ZBTB44: variants seen among roughly 807,000 people sequenced by gnomAD.
ZBTB44 encodes the protein zinc finger and BTB domain-containing protein 44.
A neutral mutation model predicts 54.0 loss-of-function variants in ZBTB44; 15 were observed. The ratio of observed to expected loss-of-function variants is 0.28; its 90% CI spans 0.19 to 0.43. The LOEUF (loss-of-function observed/expected upper bound fraction) is 0.43, where lower values mean the gene tolerates loss of function less well. Ranked by LOEUF, ZBTB44 falls within the 20% of genes least tolerant of loss-of-function variation. The probability of loss-of-function intolerance (pLI) is 1.00; values close to 1 mark genes in which losing one functional copy is unlikely to be tolerated. For synonymous variants in ZBTB44, 230 were observed against 250.1 expected (o/e 0.92, Z 0.76); for missense variants, 487 against 707.1 (o/e 0.69, Z 3.53).
chr11:130,289,827 G>A (rs11825340), intron 1 of ZBTB44, among the ~76,000 whole-genome samples: 9,516 of 152,144 alleles, frequency 0.063, 739 homozygotes, highest in African/African-American at 0.18. Flanking sequence ...CACCTGATTC[G>A]AGGTTTTCTG....
intron 1 of ZBTB44, among the ~76,000 whole-genome samples, chr11:130,311,944 G>C (rs1942633458): frequency 6.6e-6 from 1 of 152,086 alleles, no homozygotes; most frequent in East Asian, 1.9e-4. Flanking sequence ...TAAAAAGAAA[G>C]ACGACTGTAA....
At chr11:130,293,307 A>T (rs1203189605) in intron 1 of ZBTB44, among the ~76,000 whole-genome samples, 10 of 10,680 alleles carry the variant, frequency 9.4e-4, no homozygotes, top group East Asian at 2.7e-3. Flanking sequence ...ACTAAAAATT[A>T]AAAAAAAAAA....
intron 2 of ZBTB44, among the ~76,000 whole-genome samples, chr11:130,255,303 C>T (rs1565655054): frequency 6.6e-6 from 1 of 152,156 alleles, no homozygotes; most frequent in Non-Finnish European, 1.5e-5. Context: ...TCCTGCATGA[C>T]CACTGGGTAA....
intron 2 of ZBTB44, among the ~76,000 whole-genome samples, chr11:130,255,910 A>AC (rs1216409537): frequency 1.9e-4 from 28 of 150,506 alleles, no homozygotes; most frequent in African/African-American, 6.6e-4. Context: ...AAAAAAAAAA[A>AC]AAAAAAAAAA....
intron 1 of ZBTB44, among the ~76,000 whole-genome samples, chr11:130,265,967 GTGGC>G (rs1939219004): frequency 3.3e-5 from 5 of 152,190 alleles, no homozygotes; most frequent in Middle Eastern, 3.2e-3. Context: ...ATTGACGAAG[GTGGC>G]TACACTAAAC....
Position 130,238,577 on chromosome 11 carries a change from G to A in ZBTB44, c.1134C>T (p.Leu378=), listed in dbSNP as rs1399707454. Residue 378 remains leucine, a synonymous_variant, in exon 4 of 8, where the codon CTC becomes CTT. Coordinates refer to ENST00000357899, the MANE Select transcript of ZBTB44 (RefSeq NM_001301098.2). ...TACTGCTGGTGGAAGGAGCAATGTA[G>A]AGTTGGTAGGGATACTGAACATTTT... ...RLENVQYPYQ[L]YIAPSTSSTE... 13 of 1,612,612 alleles carry A rather than the reference G, an allele frequency of 8.1e-6. No homozygotes were observed. Among genetic ancestry groups the A allele is most frequent in the Non-Finnish European group, 1.1e-5 (13 of 1,179,534 alleles).
At chr11:130,313,938 T>TTTGTGTGTG (rs1942774604) in intron 1 of ZBTB44, among the ~76,000 whole-genome samples, 1 of 98,522 alleles carries the variant, frequency 1.0e-5, no homozygotes, top group African/African-American at 3.4e-5. Context: ...GTGTGTGTGT[T>TTTGTGTGTG]TGTGTGTGTG....
rs1346106160 is a variant in ZBTB44 at position 130,229,989 on chromosome 11, CAT to C, written c.*1773_*1774del. 3.9e-5 allele frequency: 6 copies of C among 152,082 alleles called. No individual in the cohort carries two copies. The highest frequency in any genetic ancestry group is 1.9e-4 in the East Asian group (1 of 5,182). The allele number at this position is 152,082 out of a possible 1,614,324, so 9.4% of individuals were successfully genotyped here. ...TTTGCAGATGACTGAAACAAAGTAA[CAT>C]ATGAAAGTTTCTAATTCTTTTGTTC... On this transcript the variant is annotated 3_prime_UTR_variant, in exon 8 of 8. Coordinates refer to ENST00000357899, the MANE Select transcript of ZBTB44 (RefSeq NM_001301098.2).
rs145777326 is a variant in ZBTB44 at position 130,258,609 on chromosome 11, C to A, written c.1018+2247G>T. 8.7e-3 allele frequency among the ~76,000 whole-genome samples: 1,319 copies of A among 152,268 alleles called. 9 individuals carry two copies. The highest frequency in any genetic ancestry group is 0.022 in the African/African-American group (895 of 41,562). On this transcript the variant is annotated intron_variant, in intron 2 of 7. Transcript: ENST00000357899. ...ATATCCATTTTGCTCTAATTTTGTTCAAGGCATTTAGGTACCCAACTAATA... is the reference window on the plus strand; with the variant it reads ...ATATCCATTTTGCTCTAATTTTGTTAAAGGCATTTAGGTACCCAACTAATA...
chr11:130,266,426 C>T (rs1591988327), intron 1 of ZBTB44, among the ~76,000 whole-genome samples: 2 of 152,220 alleles, frequency 1.3e-5, no homozygotes, highest in East Asian at 1.9e-4. Context: ...ATTCTGCAGC[C>T]TATAGATCAG....
At chr11:130,275,959 G>A (rs1365203868) in intron 1 of ZBTB44, among the ~76,000 whole-genome samples, 2 of 150,318 alleles carry the variant, frequency 1.3e-5, no homozygotes, top group Admixed American at 1.3e-4. Flanking sequence ...AGGTGCAGTG[G>A]CTCACGCCTG....
chr11:130,283,612 T>C (rs1307984183), intron 1 of ZBTB44, among the ~76,000 whole-genome samples: 7 of 152,182 alleles, frequency 4.6e-5, no homozygotes, highest in Non-Finnish European at 1.5e-5. Flanking sequence ...AATCTCATTT[T>C]AAAAAATTAA....
At chr11:130,277,849 A>G (rs1940217503) in intron 1 of ZBTB44, among the ~76,000 whole-genome samples, 1 of 152,080 alleles carries the variant, frequency 6.6e-6, no homozygotes, top group Admixed American at 6.5e-5. Context: ...TTTTGCTTTC[A>G]TTTAAAAAAG....
At chr11:130,290,604 T>C (rs1200081696) in intron 1 of ZBTB44, among the ~76,000 whole-genome samples, 1 of 152,228 alleles carries the variant, frequency 6.6e-6, no homozygotes, top group Non-Finnish European at 1.5e-5. Context: ...ATCTTTACTG[T>C]TATTTAAACT....
chr11:130,282,990 T>A (rs1940640843), intron 1 of ZBTB44, among the ~76,000 whole-genome samples: 1 of 151,736 alleles, frequency 6.6e-6, no homozygotes. Context: ...AATATTTTTT[T>A]AATTGTGGTT....
chr11:130,314,825 GAGCCGCCGCCGCGCGCGTGC>G lies in ZBTB44; in HGVS notation c.-527_-508del, dbSNP rs1565347898. 1.7e-5 allele frequency: 1 copy of G among 57,696 alleles called. No homozygotes were observed. The highest frequency in any genetic ancestry group is 7.7e-5 in the African/African-American group (1 of 13,066). The allele number at this position is 57,696 out of a possible 1,614,324, so 3.6% of individuals were successfully genotyped here. On this transcript the variant is annotated 5_prime_UTR_variant, in exon 1 of 8. Transcript: ENST00000357899. Reference sequence around the variant, plus strand: ...GGGAGGGGAGGGGGAGGTTGGGAGGGAGCCGCCGCCGCGCGCGTGCGGCCGGCGCCGCCGCCGTTGCCGCT... The same window carrying G: ...GGGAGGGGAGGGGGAGGTTGGGAGGGGGCCGGCGCCGCCGCCGTTGCCGCT...
intron 2 of ZBTB44, among the ~76,000 whole-genome samples, chr11:130,260,000 T>G (rs1938741255): frequency 6.6e-6 from 1 of 152,090 alleles, no homozygotes; most frequent in African/African-American, 2.4e-5. Flanking sequence ...CATTTTATTT[T>G]CAATCTAAAA....
At chr11:130,270,819 T>A (rs1419356580) in intron 1 of ZBTB44, among the ~76,000 whole-genome samples, 1 of 152,138 alleles carries the variant, frequency 6.6e-6, no homozygotes, top group Non-Finnish European at 1.5e-5. Flanking sequence ...GGGAAAGAAA[T>A]GTTTCAATTT....
At chr11:130,288,555 G>A (rs1441857695) in intron 1 of ZBTB44, among the ~76,000 whole-genome samples, 2 of 152,020 alleles carry the variant, frequency 1.3e-5, no homozygotes. Context: ...GGGATCCCCA[G>A]GAGAGTCCTC....
Sources: gnomAD v4.1 joint callset for allele counts (sites outside exome capture counted in the v4.1 genomes callset) on GRCh38, gnomAD v4.1.1 for gene constraint, MANE v1.5 for transcripts, NCBI Gene and HGNC (gene_info 2026-07-23, HGNC 2026-07-21) for gene names.